The following LCP1 variants were observed in gnomAD, a reference collection of about 807,000 sequenced individuals.
LCP1 encodes the protein plastin-2.
Under a neutral mutation model 72.0 loss-of-function variants are expected in LCP1, and 23 were observed. The ratio of observed to expected loss-of-function variants is 0.32; its 90% CI spans 0.23 to 0.45. The LOEUF (loss-of-function observed/expected upper bound fraction) is 0.45, where lower values mean the gene tolerates loss of function less well. LCP1 is among the 20% of genes least tolerant of loss of function. The pLI, the probability that LCP1 is intolerant of heterozygous loss-of-function variation, is 1.00. For synonymous variants in LCP1, 245 were observed against 275.4 expected, an observed-to-expected ratio of 0.89 and a Z score of 1.09; for missense variants, 571 against 748.3, an observed-to-expected ratio of 0.76 and a Z score of 2.76.
At chr13:46,129,532 T>C (rs904283425) in intron 15 of LCP1, among the ~76,000 whole-genome samples, 8 of 152,212 alleles carry the variant, frequency 5.3e-5, no homozygotes, top group African/African-American at 1.9e-4. Context: ...CCTTCAGGGA[T>C]GCCTCATACT....
intron 13 of LCP1, among the ~76,000 whole-genome samples, chr13:46,138,385 A>T (rs1209422403): frequency 6.6e-6 from 1 of 152,226 alleles, no homozygotes; most frequent in Non-Finnish European, 1.5e-5. Flanking sequence ...TTATATAATT[A>T]TCAGTCATTA....
chr13:46,128,693 T>C lies in LCP1; in HGVS notation c.1752-970A>G, dbSNP rs548061206. Among the ~76,000 whole-genome samples, 128 of 152,370 alleles carry C rather than the reference T, an allele frequency of 8.4e-4. 1 individual carries two copies. The highest frequency in any genetic ancestry group is 3.4e-3 in the Middle Eastern group (1 of 294). ...ATATATTTGTACTTATTTATGGTAC[T>C]ATAATATAGAGTAGCCAGAGATTTA... is the stretch of plus-strand genomic sequence containing the variant. On this transcript the variant is annotated intron_variant, in intron 15 of 15. Coordinates refer to ENST00000323076, the MANE Select transcript of LCP1 (RefSeq NM_002298.5).
intron 15 of LCP1, among the ~76,000 whole-genome samples, chr13:46,129,318 C>T (rs56187625): frequency 0.014 from 2,127 of 152,290 alleles, 46 homozygotes; most frequent in African/African-American, 0.047. Context: ...ATGGCCTTGG[C>T]AAGTTTCTTA....
intron 6 of LCP1, 26 bp downstream of exon 6, chr13:46,154,779 A>G (rs1234450976): frequency 6.3e-7 from 1 of 1,582,594 alleles, no homozygotes; most frequent in Non-Finnish European, 8.7e-7. Context: ...CAAATCCTGT[A>G]TTATGGTAAC....
At chr13:46,138,546 A>G (rs1185607260) in intron 13 of LCP1, among the ~76,000 whole-genome samples, 3 of 152,232 alleles carry the variant, frequency 2.0e-5, no homozygotes, top group Non-Finnish European at 2.9e-5. Context: ...GCCATTAAAT[A>G]GGGCTTTGAG....
intron 14 of LCP1, 83 bp downstream of exon 14, chr13:46,134,044 G>A: frequency 7.0e-7 from 1 of 1,433,408 alleles, no homozygotes; most frequent in Non-Finnish European, 9.6e-7. Context: ...ACCTACCACT[G>A]AAGGTCACTT....
In LCP1 at chr13:46,126,281, G is replaced by A. The variant is rs577607832; in HGVS notation, c.*1310C>T. ...GGGCGTCTTGCATTGGTTCACAATG[G>A]CCTGTTGCTTTTTAGCCTTCAGTTG... On this transcript the variant is annotated 3_prime_UTR_variant, in exon 16 of 16. Transcript: ENST00000323076. 2 of 228,796 alleles carry A rather than the reference G, an allele frequency of 8.7e-6. No individual in the cohort carries two copies. Among genetic ancestry groups the A allele is most frequent in the East Asian group, 6.3e-5 (1 of 15,978 alleles). 14.2% of individuals were successfully genotyped at this position (228,796 alleles called of 1,614,324 possible).
chr13:46,133,223 C>T (rs1454557955), intron 14 of LCP1, among the ~76,000 whole-genome samples: 7 of 152,128 alleles, frequency 4.6e-5, no homozygotes, highest in African/African-American at 9.7e-5. Context: ...CCACATTTTA[C>T]GAATACTATC....
At chr13:46,136,842 G>C (rs1267154091) in intron 13 of LCP1, among the ~76,000 whole-genome samples, 1 of 152,192 alleles carries the variant, frequency 6.6e-6, no homozygotes, top group Non-Finnish European at 1.5e-5. Flanking sequence ...TCTTCTGGTA[G>C]CTTCTCTTGT....
chr13:46,156,588 A>T lies in LCP1; in HGVS notation c.359-18T>A. 6.2e-7 allele frequency: 1 copy of T among 1,613,990 alleles called. No individual in the cohort carries two copies. The highest frequency in any genetic ancestry group is 2.2e-5 in the East Asian group (1 of 44,870). On this transcript the variant is annotated intron_variant, in intron 4 of 15. Transcript: ENST00000323076. ...TTCTTCCTCTGCAAGTAAATGATTA[A>T]AGTGACTCATTTGCAAAGTGAAACT... is the stretch of plus-strand genomic sequence containing the variant.
rs58976755 is a variant in LCP1, at chr13:46,167,683, A to ATAT, written c.-24-8000_-24-7998dup. On this transcript the variant is annotated intron_variant, in intron 1 of 15. Coordinates refer to ENST00000323076, the MANE Select transcript of LCP1 (RefSeq NM_002298.5). ...CAAATGCATCTTTTCAATAAATTGAATATTATGGGCTAGCTGTTTAACCAT... is the reference window on the plus strand; with the variant it reads ...CAAATGCATCTTTTCAATAAATTGAATATTATTATGGGCTAGCTGTTTAACCAT... Among the ~76,000 whole-genome samples, 1,499 of 152,320 alleles carry ATAT rather than the reference A, an allele frequency of 9.8e-3. 28 individuals are homozygous for ATAT. The highest frequency in any genetic ancestry group is 0.033 in the African/African-American group (1,376 of 41,556).
chr13:46,135,635 A>G (rs1169441278), intron 13 of LCP1, among the ~76,000 whole-genome samples: 2 of 152,050 alleles, frequency 1.3e-5, no homozygotes, highest in East Asian at 3.9e-4. Flanking sequence ...ACTGACAGTG[A>G]TGTCCTATCA....
intron 14 of LCP1, among the ~76,000 whole-genome samples, chr13:46,131,802 A>T (rs1396892481): frequency 1.3e-5 from 2 of 152,172 alleles, no homozygotes; most frequent in Non-Finnish European, 2.9e-5. Context: ...GAAGCTAAAC[A>T]TTGAGTATGT....
chr13:46,141,847 C>T (rs886990376), intron 13 of LCP1, among the ~76,000 whole-genome samples: 11 of 151,878 alleles, frequency 7.2e-5, no homozygotes, highest in Admixed American at 2.6e-4. Context: ...TTTAAAAAGT[C>T]CCTTTAAAAG....
At chr13:46,149,075 G>A (rs1410780095) in intron 8 of LCP1, among the ~76,000 whole-genome samples, 1 of 152,084 alleles carries the variant, frequency 6.6e-6, no homozygotes, top group Non-Finnish European at 1.5e-5. Flanking sequence ...CTGAAAATAT[G>A]CTTATTGACA....
chr13:46,135,066 G>A (rs948276707), intron 13 of LCP1, among the ~76,000 whole-genome samples: 1 of 134,626 alleles, frequency 7.4e-6, no homozygotes, highest in Non-Finnish European at 1.5e-5. Context: ...CTGAGATAGT[G>A]CCACTGCACT....
intron 1 of LCP1, among the ~76,000 whole-genome samples, chr13:46,162,800 C>A (rs1299684101): frequency 6.6e-6 from 1 of 152,044 alleles, no homozygotes; most frequent in African/African-American, 2.4e-5. Context: ...CCCGCCGCCC[C>A]GTCTGGGATG....
In LCP1 at chr13:46,158,147, G is replaced by A. The variant is rs913162559; in HGVS notation, c.358+375C>T. Among the ~76,000 whole-genome samples the A allele has an allele frequency of 6.6e-5, 10 of 152,188 alleles. No homozygotes were observed. In the East Asian group the frequency reaches 1.5e-3, roughly 23 times the overall value. On this transcript the variant is annotated intron_variant, in intron 4 of 15. Transcript: ENST00000323076. ...TTATGGCTGTTGGATGGCAGCCTTC[G>A]GAATAAATTTACAAATTTATTCCAA...
intron 1 of LCP1, among the ~76,000 whole-genome samples, chr13:46,170,746 G>A (rs1373839841): frequency 6.6e-6 from 1 of 152,118 alleles, no homozygotes; most frequent in African/African-American, 2.4e-5. Flanking sequence ...ATAGACATCT[G>A]CCAAACACCT....
Sources: gnomAD v4.1 joint callset for allele counts (sites outside exome capture counted in the v4.1 genomes callset) on GRCh38, gnomAD v4.1.1 for gene constraint, MANE v1.5 for transcripts, NCBI Gene and HGNC (gene_info 2026-07-23, HGNC 2026-07-21) for gene names.